The following SVOP variants were observed in gnomAD, a reference collection of about 807,000 sequenced individuals.
The protein encoded by SVOP is SV2 related protein, also known as synaptic vesicle 2-related protein.
SVOP carries 17 observed loss-of-function variants against 69.1 expected under a neutral mutation model. The ratio of observed to expected loss-of-function variants is 0.25; its 90% confidence interval spans 0.17 to 0.37. The LOEUF (loss-of-function observed/expected upper bound fraction) is 0.37. SVOP is among the 10% of genes least tolerant of loss of function. SVOP has a pLI of 1.00. For synonymous variants in SVOP, 238 were observed against 238.6 expected, an observed-to-expected ratio of 1.00 and a Z score of 0.02; for missense variants, 435 against 597.5, an observed-to-expected ratio of 0.73 and a Z score of 2.84.
intron 1 of SVOP, among the ~76,000 whole-genome samples, chr12:109,003,614 T>A (rs2040287202): frequency 6.6e-6 from 1 of 151,980 alleles, no homozygotes; most frequent in African/African-American, 2.4e-5. Context: ...GCAGTTTTAT[T>A]TATTTATTTT....
At chr12:108,913,501 A>G (rs1290864022) in intron 15 of SVOP, among the ~76,000 whole-genome samples, 2 of 152,182 alleles carry the variant, frequency 1.3e-5, no homozygotes, top group African/African-American at 4.8e-5. Context: ...AAGTTCATAC[A>G]GATAATAAGG....
chr12:108,961,036 G>A lies in SVOP; in HGVS notation c.465C>T (p.Ile155=). Residue 155 remains isoleucine (I), a synonymous_variant, in exon 6 of 16, where the codon ATC becomes ATT. Coordinates refer to ENST00000610966, the MANE Select transcript of SVOP (RefSeq NM_018711.5). ...CATAGTACAGAGTCCACAGCACGCT[G>A]ATCTTCAGCCCCTGAAGAGAAGGAA... is the stretch of plus-strand genomic sequence containing the variant. The part of the protein sequence containing the change: ...DQYGRKTGLK[I]SVLWTLYYGI... 1 of 1,535,902 alleles carries A rather than the reference G, an allele frequency of 6.5e-7. No individual in the cohort carries two copies. Among genetic ancestry groups the A allele is most frequent in the Non-Finnish European group, 8.7e-7 (1 of 1,146,024 alleles).
chr12:108,968,617 C>T lies in SVOP; in HGVS notation c.453+3788G>A, dbSNP rs374344910. Among the ~76,000 whole-genome samples, 211 of 152,198 alleles carry T rather than the reference C, an allele frequency of 1.4e-3. 1 individual carries two copies. The highest frequency in any genetic ancestry group is 4.8e-3 in the African/African-American group (200 of 41,504). On this transcript the variant is annotated intron_variant, in intron 5 of 15. Coordinates refer to ENST00000610966, the MANE Select transcript of SVOP (RefSeq NM_018711.5). ...CAAGCCCAAAGTTAAGGTATTTTTA[C>T]TCATTTTCTGTTATATTCCTCACTG... is the stretch of plus-strand genomic sequence containing the variant.
chr12:108,994,506 T>A (rs914669635), intron 1 of SVOP, among the ~76,000 whole-genome samples: 1 of 152,020 alleles, frequency 6.6e-6, no homozygotes, highest in African/African-American at 2.4e-5. Context: ...ATAATAAGAA[T>A]AAAGAACAGC....
At chr12:108,985,554 C>T (rs1394746588) in intron 1 of SVOP, among the ~76,000 whole-genome samples, 3 of 152,048 alleles carry the variant, frequency 2.0e-5, no homozygotes, top group Non-Finnish European at 4.4e-5. Context: ...TGCCTGTGGT[C>T]CCAGCTACTT....
chr12:108,994,016 G>A (rs1297168986), intron 1 of SVOP, among the ~76,000 whole-genome samples: 1 of 152,144 alleles, frequency 6.6e-6, no homozygotes, highest in African/African-American at 2.4e-5. Flanking sequence ...CATCTTCGCC[G>A]CAAGGACCGT....
intron 1 of SVOP, among the ~76,000 whole-genome samples, chr12:109,006,066 G>GTTTTA (rs993507029): frequency 6.6e-6 from 1 of 151,004 alleles, no homozygotes; most frequent in African/African-American, 2.4e-5. Context: ...GTTTTGTTTT[G>GTTTTA]TTTGAGAAAG....
chr12:108,991,292 T>G (rs2040198929), intron 1 of SVOP, among the ~76,000 whole-genome samples: 1 of 152,148 alleles, frequency 6.6e-6, no homozygotes, highest in Non-Finnish European at 1.5e-5. Context: ...GCAAGAACAC[T>G]GTTTTATTCA....
chr12:108,996,895 G>A (rs1255014596), intron 1 of SVOP, among the ~76,000 whole-genome samples: 1 of 152,172 alleles, frequency 6.6e-6, no homozygotes, highest in Non-Finnish European at 1.5e-5. Flanking sequence ...TTACACCACT[G>A]CACTCCAGCC....
chr12:108,973,033 G>C (rs996912039), intron 4 of SVOP, among the ~76,000 whole-genome samples: 3 of 152,198 alleles, frequency 2.0e-5, no homozygotes, highest in Non-Finnish European at 2.9e-5. Context: ...CTGAGGCTCA[G>C]ATAGATTAGA....
chr12:108,960,859 A>G, intron 6 of SVOP, 64 bp downstream of exon 6: 1 of 1,516,120 alleles, frequency 6.6e-7, no homozygotes, highest in Non-Finnish European at 8.8e-7. Context: ...CTCCTGATCC[A>G]GACCATGAAC....
chr12:108,950,323 C>A (rs1188777933), intron 6 of SVOP, among the ~76,000 whole-genome samples: 1 of 151,484 alleles, frequency 6.6e-6, no homozygotes, highest in Non-Finnish European at 1.5e-5. Flanking sequence ...AAGCAATCCT[C>A]CTGCATTTGC....
intron 5 of SVOP, among the ~76,000 whole-genome samples, chr12:108,961,713 G>A (rs1399416016): frequency 2.0e-5 from 3 of 152,116 alleles, no homozygotes; most frequent in African/African-American, 7.2e-5. Context: ...ATTCAGTTAA[G>A]TCCAAACGTA....
At chr12:109,017,620 G>T (rs765463055) in intron 1 of SVOP, among the ~76,000 whole-genome samples, 10 of 152,048 alleles carry the variant, frequency 6.6e-5, no homozygotes, top group South Asian at 6.2e-4. Context: ...CACAATCTTT[G>T]CTCACCGCAA....
chr12:108,933,028 A>G (rs943324218), intron 11 of SVOP, among the ~76,000 whole-genome samples: 7 of 151,862 alleles, frequency 4.6e-5, no homozygotes, highest in African/African-American at 1.7e-4. Context: ...ACAAGCACAT[A>G]CCACCGCAAC....
Position 108,912,733 on chromosome 12 carries a change from C to T in SVOP, c.1449G>A (p.Leu483=). The change falls in exon 16 of 16, where the codon CTG becomes CTA. Residue 483 remains leucine (L), a synonymous_variant. Coordinates refer to ENST00000610966, the MANE Select transcript of SVOP (RefSeq NM_018711.5). ...CCAGAGTCAGGTACACAGAGGATTC[C>T]AGCATCACCTAGGGGAAGGAGACAC... ...LITPFIAQVM[L]ESSVYLTLAV... 1 of 1,613,716 alleles carries T rather than the reference C, an allele frequency of 6.2e-7. No homozygotes were observed. Among genetic ancestry groups the T allele is most frequent in the Non-Finnish European group, 8.5e-7 (1 of 1,179,812 alleles).
At chr12:108,961,194 G>T (rs1202782477) in intron 5 of SVOP, 147 bp from the exon 6 acceptor site, 1 of 987,280 alleles carries the variant, frequency 1.0e-6, no homozygotes, top group Non-Finnish European at 1.4e-6. Flanking sequence ...TATGGGGAGT[G>T]CCAACCCACA....
intron 6 of SVOP, among the ~76,000 whole-genome samples, chr12:108,955,575 C>T (rs1002531589): frequency 6.6e-6 from 1 of 152,228 alleles, no homozygotes; most frequent in African/African-American, 2.4e-5. Flanking sequence ...CTGAGAGCCA[C>T]TCACCATCCT....
At chr12:108,940,393 TGCCTGAA>T (rs2039883653) in intron 8 of SVOP, among the ~76,000 whole-genome samples, 1 of 152,226 alleles carries the variant, frequency 6.6e-6, no homozygotes. Context: ...GAGCCAGCCA[TGCCTGAA>T]GTCTGACTTA....
Sources: allele counts gnomAD v4.1 joint callset (sites outside exome capture counted in the v4.1 genomes callset), GRCh38; gene constraint gnomAD v4.1.1; transcripts MANE v1.5; gene names NCBI Gene and HGNC (gene_info 2026-07-23, HGNC 2026-07-21).